Variants in GALNT18 observed in about 807,000 individuals in gnomAD.
The protein encoded by GALNT18 is GalNAc-transferase 18.
GALNT18 carries 44 observed loss-of-function variants against 69.5 expected under a neutral mutation model. The observed-to-expected ratio is 0.63, with a 90% CI of 0.50 to 0.81. GALNT18 has a LOEUF of 0.81. GALNT18 is among the 40% of genes least tolerant of loss of function. The pLI is 0.00. For missense variants in GALNT18, 715 were observed against 810.0 expected (o/e 0.88, Z 1.42); for synonymous variants, 364 against 318.2 (o/e 1.14, Z -1.53).
chr11:11,530,400 C>T (rs1406257347), intron 1 of GALNT18, among the ~76,000 whole-genome samples: 1 of 152,174 alleles, frequency 6.6e-6, no homozygotes, highest in Non-Finnish European at 1.5e-5. Context: ...TGTCAGCAGT[C>T]ATTAGGGCAA....
intron 8 of GALNT18, among the ~76,000 whole-genome samples, chr11:11,328,939 G>T (rs772921098): frequency 8.5e-5 from 13 of 152,152 alleles, no homozygotes; most frequent in Non-Finnish European, 1.8e-4. Context: ...GGGTGAGAGG[G>T]TGGGTGTCTT....
At chr11:11,585,475 C>A (rs191425624) in intron 1 of GALNT18, among the ~76,000 whole-genome samples, 219 of 152,078 alleles carry the variant, frequency 1.4e-3, no homozygotes, top group Non-Finnish European at 1.4e-3. Flanking sequence ...CCTGCCTCAG[C>A]CTCCGGAGTA....
intron 3 of GALNT18, among the ~76,000 whole-genome samples, chr11:11,380,866 G>T (rs760926654): frequency 2.6e-5 from 4 of 152,202 alleles, no homozygotes; most frequent in Admixed American, 6.5e-5. Context: ...TAGGTTTCCA[G>T]CTTCTGCAAA....
At position 11,470,972 on chromosome 11, in the gene GALNT18, G is replaced by A. The variant is rs1419494558; in HGVS notation, c.236-22036C>T. Reference sequence around the variant, plus strand: ...GATTTCTCCCCATTCATACTCAGGGGCCCGGGCACATCAATATCCCTCTTT... The same window carrying A: ...GATTTCTCCCCATTCATACTCAGGGACCCGGGCACATCAATATCCCTCTTT... On this transcript the variant is annotated intron_variant, in intron 1 of 10. Coordinates refer to ENST00000227756, the MANE Select transcript of GALNT18 (RefSeq NM_198516.3). This position sits in a 1 kb window ranked among gnomAD's most constrained non-coding sequence, Gnocchi z 4.8. Among the ~76,000 whole-genome samples, 2 of 152,110 alleles carry A rather than the reference G, an allele frequency of 1.3e-5. No individual in the cohort carries two copies. The highest frequency in any genetic ancestry group is 4.8e-5 in the African/African-American group (2 of 41,424).
At chr11:11,474,302 T>C (rs7395533) in intron 1 of GALNT18, among the ~76,000 whole-genome samples, 124,138 of 152,090 alleles carry the variant, frequency 0.82, 51,508 homozygotes, top group East Asian at 0.97. Flanking sequence ...AAAAGACTTG[T>C]GGCCAGAAAG....
At chr11:11,271,614 C>CTTGCTCCCCATAGCCAT (rs371477041) in intron 10 of GALNT18, among the ~76,000 whole-genome samples, 1 of 152,162 alleles carries the variant, frequency 6.6e-6, no homozygotes, top group South Asian at 2.1e-4. Flanking sequence ...GGGGCTGGGT[C>CTTGCTCCCCATAGCCAT]CTTTCTCTGA....
At chr11:11,615,655 C>CT (rs1011471352) in intron 1 of GALNT18, among the ~76,000 whole-genome samples, 47 of 151,360 alleles carry the variant, frequency 3.1e-4, no homozygotes, top group African/African-American at 1.0e-3. Context: ...TTATTTTCAA[C>CT]TTTTTTTTTA....
intron 3 of GALNT18, among the ~76,000 whole-genome samples, chr11:11,408,340 G>C (rs984532103): frequency 2.5e-4 from 32 of 126,810 alleles, no homozygotes; most frequent in Admixed American, 8.4e-4. Flanking sequence ...ACTCCAGCCT[G>C]AGTGACAGAG....
At chr11:11,305,622 C>T (rs1450445278) in intron 9 of GALNT18, among the ~76,000 whole-genome samples, 1 of 152,114 alleles carries the variant, frequency 6.6e-6, no homozygotes, top group East Asian at 1.9e-4. Context: ...AGCCATTCAT[C>T]CCCTCAATTT....
chr11:11,331,474 C>A (rs923814545), intron 8 of GALNT18, among the ~76,000 whole-genome samples: 2 of 152,174 alleles, frequency 1.3e-5, no homozygotes, highest in Non-Finnish European at 2.9e-5. Flanking sequence ...AATTTCTCAG[C>A]AGATTCTTCC....
chr11:11,485,734 A>T (rs937349356), intron 1 of GALNT18, among the ~76,000 whole-genome samples: 9 of 152,208 alleles, frequency 5.9e-5, no homozygotes, highest in African/African-American at 2.2e-4. Flanking sequence ...TTCATGGGCC[A>T]GCATGAAGAA....
chr11:11,381,905 G>T (rs1853930164), intron 3 of GALNT18, among the ~76,000 whole-genome samples: 1 of 152,248 alleles, frequency 6.6e-6, no homozygotes, highest in East Asian at 1.9e-4. Flanking sequence ...GGAATGGTTT[G>T]TTATACACAA....
At chr11:11,507,349 G>C (rs1023952959) in intron 1 of GALNT18, among the ~76,000 whole-genome samples, 2 of 152,180 alleles carry the variant, frequency 1.3e-5, no homozygotes, top group Non-Finnish European at 1.5e-5. Flanking sequence ...CATGGAAGCT[G>C]AGTCTCAGAG....
rs969591644 is a variant in GALNT18, at chr11:11,618,003, T to C, written c.235+3356A>G. Among the ~76,000 whole-genome samples the C allele has an allele frequency of 6.6e-6, 1 of 152,228 alleles. No homozygotes were observed. Among genetic ancestry groups the C allele is most frequent in the African/African-American group, 2.4e-5 (1 of 41,458 alleles). On this transcript the variant is annotated intron_variant, in intron 1 of 10. Coordinates refer to ENST00000227756, the MANE Select transcript of GALNT18 (RefSeq NM_198516.3). The surrounding 1 kb of genome is among the most constrained non-coding windows in gnomAD (Gnocchi z 6.1). ...CAAAAAACTTCCCAAAACTGCAATT[T>C]ACATTCCCAAGAGATTCCCAAACAC...
Position 11,523,313 on chromosome 11 carries a change from C to T in GALNT18, c.236-74377G>A, listed in dbSNP as rs1365166728. Among the ~76,000 whole-genome samples, 1 of 152,120 alleles carries T rather than the reference C, an allele frequency of 6.6e-6. No individual in the cohort carries two copies. The highest frequency in any genetic ancestry group is 1.5e-5 in the Non-Finnish European group (1 of 68,028). ...TGTTTGAGGCAAATCTTGTCACTCTCACAGGTGAGGACAATGTCACAGGTG... is the reference window on the plus strand; with the variant it reads ...TGTTTGAGGCAAATCTTGTCACTCTTACAGGTGAGGACAATGTCACAGGTG... On this transcript the variant is annotated intron_variant, in intron 1 of 10. Transcript: ENST00000227756. This position sits in a 1 kb window ranked among gnomAD's most constrained non-coding sequence, Gnocchi z 4.3.
rs1854769808 is a variant in GALNT18, at chr11:11,413,168, C to A, written c.595+19453G>T. Among the ~76,000 whole-genome samples, 2 of 152,190 alleles carry A rather than the reference C, an allele frequency of 1.3e-5. No homozygotes were observed. The highest frequency in any genetic ancestry group is 2.4e-5 in the African/African-American group (1 of 41,452). On this transcript the variant is annotated intron_variant, in intron 3 of 10. Coordinates refer to ENST00000227756, the MANE Select transcript of GALNT18 (RefSeq NM_198516.3). The surrounding 1 kb of genome is among the most constrained non-coding windows in gnomAD (Gnocchi z 4.7). ...AGTTGAATCTGTGTCTCAGAGTCTGCTTCTGGGGGAACAGCCTCTCCAAGG... is the reference window on the plus strand; with the variant it reads ...AGTTGAATCTGTGTCTCAGAGTCTGATTCTGGGGGAACAGCCTCTCCAAGG...
chr11:11,377,322 G>T lies in GALNT18; in HGVS notation c.837C>A (p.Ser279=), dbSNP rs1853789967. 6.2e-7 allele frequency: 1 copy of T among 1,613,932 alleles called. No individual in the cohort carries two copies. Among genetic ancestry groups the T allele is most frequent in the Non-Finnish European group, 8.5e-7 (1 of 1,180,004 alleles). The change falls in exon 5 of 11, where the codon TCC becomes TCA. Residue 279 remains serine (S), a synonymous_variant. Coordinates refer to ENST00000227756, the MANE Select transcript of GALNT18 (RefSeq NM_198516.3). This position sits in a 1 kb window ranked among gnomAD's most constrained non-coding sequence, Gnocchi z 4.6. ...KENRKRIISP[S]FDNIKYDNFE... is the part of the protein sequence containing the mutation. ...AGTTGTCATATTTGATGTTATCAAAGGATGGCGAGATGATCCGCTTCCGGT... is the reference window on the plus strand; with the variant it reads ...AGTTGTCATATTTGATGTTATCAAATGATGGCGAGATGATCCGCTTCCGGT...
At chr11:11,381,781 T>C (rs1853925977) in intron 3 of GALNT18, among the ~76,000 whole-genome samples, 1 of 152,178 alleles carries the variant, frequency 6.6e-6, no homozygotes, top group Non-Finnish European at 1.5e-5. Context: ...ACCAGCTGAT[T>C]GCAAATGACA....
At chr11:11,575,155 T>G (rs1858891658) in intron 1 of GALNT18, among the ~76,000 whole-genome samples, 1 of 152,126 alleles carries the variant, frequency 6.6e-6, no homozygotes, top group South Asian at 2.1e-4. Flanking sequence ...TATGGGGCAG[T>G]GGAAGCCAGT....
Sources: gnomAD v4.1 joint callset for allele counts (sites outside exome capture counted in the v4.1 genomes callset) on GRCh38, gnomAD v4.1.1 for gene constraint, Gnocchi (gnomAD v3.1) non-coding constraint, MANE v1.5 for transcripts, NCBI Gene and HGNC (gene_info 2026-07-23, HGNC 2026-07-21) for gene names.